Variants in PAMR1 observed in about 807,000 individuals in gnomAD.
PAMR1 encodes the protein inactive serine protease PAMR1.
Under a neutral mutation model 81.8 loss-of-function variants are expected in PAMR1, and 88 were observed. The observed-to-expected ratio is 1.08, with a 90% CI of 0.91 to 1.28. PAMR1 has a LOEUF of 1.28. Among genes scored for constraint, PAMR1 ranks in the 50% most tolerant of loss-of-function variants. The pLI is 0.00. For synonymous variants in PAMR1, 336 were observed against 345.3 expected, an observed-to-expected ratio of 0.97 and a Z score of 0.30; for missense variants, 935 against 919.7, an observed-to-expected ratio of 1.02 and a Z score of -0.21.
intron 8 of PAMR1, among the ~76,000 whole-genome samples, chr11:35,438,920 C>T (rs1431538627): frequency 1.3e-5 from 2 of 152,146 alleles, no homozygotes; most frequent in Non-Finnish European, 2.9e-5. Flanking sequence ...GGAAGTGAGG[C>T]AATAAGCCTG....
chr11:35,487,198 A>T (rs1042636707), intron 3 of PAMR1, among the ~76,000 whole-genome samples: 1 of 147,740 alleles, frequency 6.8e-6, no homozygotes, highest in African/African-American at 2.5e-5. Flanking sequence ...TTGTCCTTTG[A>T]GATTGTTAGT....
intron 6 of PAMR1, among the ~76,000 whole-genome samples, chr11:35,450,352 T>G (rs1042316059): frequency 2.0e-5 from 3 of 152,150 alleles, no homozygotes; most frequent in Non-Finnish European, 4.4e-5. Context: ...AGCATTTTTT[T>G]CTGGCAAATG....
chr11:35,482,665 T>C (rs889337106), intron 3 of PAMR1, among the ~76,000 whole-genome samples: 2 of 152,218 alleles, frequency 1.3e-5, no homozygotes, highest in African/African-American at 4.8e-5. Flanking sequence ...TTCCTATCCA[T>C]GAGGATGGAA....
chr11:35,529,127 A>G (rs1353377668), upstream of PAMR1: 1 of 152,196 alleles, frequency 6.6e-6, no homozygotes, highest in Non-Finnish European at 1.5e-5. Flanking sequence ...TCATATTGAT[A>G]GAGTTTAGTA....
chr11:35,524,777 G>A (rs576604085), intron 1 of PAMR1, among the ~76,000 whole-genome samples: 16 of 152,274 alleles, frequency 1.1e-4, no homozygotes, highest in African/African-American at 2.9e-4. Flanking sequence ...CTGGATCTCC[G>A]TATCATGTCC....
chr11:35,507,047 T>C lies in PAMR1; in HGVS notation c.74-12775A>G, dbSNP rs1286523285. ...ATTTTCAAATAGCCTGACTTTTTTT[T>C]TTTTTTTTTTTTTTTTTTGACAGAG... On this transcript the variant is annotated intron_variant, in intron 1 of 10. Transcript: ENST00000619888. Among the ~76,000 whole-genome samples the C allele has an allele frequency of 7.3e-3, 1,001 of 138,002 alleles. 48 individuals carry two copies. Among genetic ancestry groups the C allele is most frequent in the African/African-American group, 0.023 (843 of 36,642 alleles). 90.5% of individuals were successfully genotyped at this position (138,002 alleles called of 152,430 possible).
intron 1 of PAMR1, among the ~76,000 whole-genome samples, chr11:35,516,762 C>A (rs1003838638): frequency 3.3e-5 from 5 of 152,172 alleles, no homozygotes; most frequent in Admixed American, 2.6e-4. Flanking sequence ...TGGGCTCTAC[C>A]AGAACTGACA....
chr11:35,441,084 G>A (rs1856154831), intron 7 of PAMR1, among the ~76,000 whole-genome samples: 1 of 152,172 alleles, frequency 6.6e-6, no homozygotes, highest in Admixed American at 6.5e-5. Flanking sequence ...GGGATGATGT[G>A]TCTATTTTGT....
chr11:35,448,630 C>A (rs1856345763), intron 6 of PAMR1, among the ~76,000 whole-genome samples: 1 of 152,196 alleles, frequency 6.6e-6, no homozygotes, highest in South Asian at 2.1e-4. Context: ...CCTTTTGAAG[C>A]CTACTTCTGT....
intron 6 of PAMR1, among the ~76,000 whole-genome samples, chr11:35,450,094 T>A (rs1371392716): frequency 8.3e-6 from 1 of 119,816 alleles, no homozygotes; most frequent in African/African-American, 3.3e-5. Flanking sequence ...ACTGTCCCAA[T>A]TGCCTTCCAA....
chr11:35,526,766 G>A (rs1851402754), upstream of PAMR1, among the ~76,000 whole-genome samples: 1 of 152,130 alleles, frequency 6.6e-6, no homozygotes, highest in African/African-American at 2.4e-5. Flanking sequence ...ATATGGCTTC[G>A]CTGTGTCCCC....
intron 6 of PAMR1, among the ~76,000 whole-genome samples, chr11:35,461,077 C>T (rs964733429): frequency 2.6e-5 from 4 of 152,084 alleles, no homozygotes; most frequent in East Asian, 1.9e-4. Context: ...TGATGAGCAC[C>T]CTTCTCTTTC....
chr11:35,480,527 A>G (rs1167989967), intron 3 of PAMR1, among the ~76,000 whole-genome samples: 1 of 152,166 alleles, frequency 6.6e-6, no homozygotes, highest in Non-Finnish European at 1.5e-5. Context: ...ATTTTGACCA[A>G]TAGGCCATTA....
rs139122111 is a variant in PAMR1 at position 35,492,126 on chromosome 11, C to T, written c.298G>A (p.Gly100Arg). 3.3e-5 allele frequency: 53 copies of T among 1,614,002 alleles called. No individual in the cohort carries two copies. Among genetic ancestry groups the T allele is most frequent in the Middle Eastern group, 1.6e-4 (1 of 6,084 alleles). ...ACATAGAAGTCATCCAAGGTACCCC[C>T]CCATGAGCCATTTCGGCAGCTCTTG... ...NCKSCRNGSW[G>R]GTLDDFYVKG... Residue 100 changes from glycine (G) to arginine (R), a missense_variant, in exon 3 of 11, where the codon GGG becomes AGG. By Grantham distance (125) the Gly-to-Arg change is moderately radical (BLOSUM62 -2). Coordinates refer to ENST00000619888, the MANE Select transcript of PAMR1 (RefSeq NM_001001991.3).
intron 6 of PAMR1, among the ~76,000 whole-genome samples, chr11:35,456,364 T>C (rs1020483243): frequency 9.2e-5 from 14 of 152,206 alleles, no homozygotes; most frequent in Non-Finnish European, 1.5e-4. Flanking sequence ...GTGCAATTAA[T>C]TGCAGTGGGT....
chr11:35,438,131 G>C (rs1856091204), intron 8 of PAMR1, among the ~76,000 whole-genome samples: 1 of 152,194 alleles, frequency 6.6e-6, no homozygotes, highest in South Asian at 2.1e-4. Flanking sequence ...TCAAAGTATA[G>C]TGCATACGGG....
chr11:35,474,571 C>T, intron 4 of PAMR1, 59 bp downstream of exon 4: 1 of 947,898 alleles, frequency 1.1e-6, no homozygotes, highest in Non-Finnish European at 1.6e-6. Context: ...AAGAGCCTTC[C>T]ATCCCATTTC....
At chr11:35,439,837 C>A (rs1856127957) in intron 7 of PAMR1, 144 bp from the exon 8 acceptor site, 2 of 668,068 alleles carry the variant, frequency 3.0e-6, no homozygotes, top group South Asian at 1.7e-5. Flanking sequence ...GTCAGCCAAG[C>A]TTGAACATCT....
At chr11:35,465,697 G>A (rs918635607) in intron 6 of PAMR1, among the ~76,000 whole-genome samples, 3 of 152,096 alleles carry the variant, frequency 2.0e-5, no homozygotes, top group East Asian at 1.9e-4. Context: ...ATGACATATC[G>A]GATATCCACT....
Sources: gnomAD v4.1 joint callset for allele counts (sites outside exome capture counted in the v4.1 genomes callset) on GRCh38, gnomAD v4.1.1 for gene constraint, MANE v1.5 for transcripts, NCBI Gene and HGNC (gene_info 2026-07-23, HGNC 2026-07-21) for gene names.